The following GRID2 variants were observed in gnomAD, a reference collection of about 807,000 sequenced individuals.
The protein encoded by GRID2 is glutamate receptor ionotropic, delta-2.
Under a neutral mutation model 114.8 loss-of-function variants are expected in GRID2, and 33 were observed. That is an observed-to-expected ratio of 0.29 (90% confidence interval 0.22 to 0.38). The LOEUF (loss-of-function observed/expected upper bound fraction) is 0.38. GRID2 is among the 10% of genes least tolerant of loss of function. GRID2 has a pLI of 1.00. For synonymous variants in GRID2, 505 were observed against 449.9 expected, an observed-to-expected ratio of 1.12 and a Z score of -1.55; for missense variants, 1,184 against 1,257.7, an observed-to-expected ratio of 0.94 and a Z score of 0.89.
At chr4:93,548,213 C>T (rs1733416731) in intron 13 of GRID2, among the ~76,000 whole-genome samples, 1 of 151,988 alleles carries the variant, frequency 6.6e-6, no homozygotes, top group African/African-American at 2.4e-5. Flanking sequence ...AAGCTCTCTT[C>T]ATTTTAAATT....
chr4:93,126,832 C>T (rs1488298529), intron 4 of GRID2, among the ~76,000 whole-genome samples: 2 of 151,630 alleles, frequency 1.3e-5, no homozygotes, highest in African/African-American at 4.8e-5. Flanking sequence ...CTCCTGACCT[C>T]GTGATCCGCC....
chr4:93,178,877 A>G (rs17020224), intron 4 of GRID2, among the ~76,000 whole-genome samples: 9,598 of 152,132 alleles, frequency 0.063, 850 homozygotes, highest in African/African-American at 0.2. Flanking sequence ...TTAAGTGTCT[A>G]TGAGAGTTTG....
chr4:93,682,903 C>G (rs1417300586), intron 14 of GRID2, among the ~76,000 whole-genome samples: 1 of 148,390 alleles, frequency 6.7e-6, no homozygotes. Context: ...GCACATTGTG[C>G]ACATGTACCC....
chr4:93,213,551 T>C (rs1233448073), intron 5 of GRID2, among the ~76,000 whole-genome samples: 2 of 152,142 alleles, frequency 1.3e-5, no homozygotes, highest in Non-Finnish European at 2.9e-5. Context: ...TAAGCCAAAA[T>C]ATTTGTTAGA....
chr4:92,803,047 G>A (rs1173674019), intron 2 of GRID2, among the ~76,000 whole-genome samples: 5 of 151,888 alleles, frequency 3.3e-5, no homozygotes, highest in African/African-American at 1.2e-4. Context: ...GACAATATTT[G>A]TTGTCTAGGT....
At chr4:93,034,148 T>C (rs1239571935) in intron 2 of GRID2, among the ~76,000 whole-genome samples, 5 of 152,066 alleles carry the variant, frequency 3.3e-5, no homozygotes, top group Non-Finnish European at 5.9e-5. Context: ...GTGAACAACA[T>C]AGGGAAAGAA....
chr4:93,589,158 G>C (rs533527454), intron 13 of GRID2, among the ~76,000 whole-genome samples: 1 of 150,800 alleles, frequency 6.6e-6, no homozygotes, highest in Admixed American at 6.6e-5. Flanking sequence ...GCACTAACTC[G>C]TCATCTAGCA....
intron 13 of GRID2, among the ~76,000 whole-genome samples, chr4:93,579,532 C>CA (rs1023515104): frequency 8.6e-5 from 13 of 151,556 alleles, no homozygotes; most frequent in East Asian, 3.9e-4. Flanking sequence ...TACCCTCATG[C>CA]AAAAAAAATA....
intron 1 of GRID2, among the ~76,000 whole-genome samples, chr4:92,367,660 C>G (rs1408561813): frequency 6.6e-6 from 1 of 152,028 alleles, no homozygotes; most frequent in African/African-American, 2.4e-5. Context: ...GATACATAAG[C>G]TATGGTATTT....
intron 1 of GRID2, among the ~76,000 whole-genome samples, chr4:92,483,141 C>T (rs1199663318): frequency 6.6e-6 from 1 of 152,030 alleles, no homozygotes; most frequent in Non-Finnish European, 1.5e-5. Flanking sequence ...AGTTAGAAAC[C>T]AGCCTGGCCA....
chr4:93,113,334 T>C (rs1732946933), intron 4 of GRID2, among the ~76,000 whole-genome samples: 1 of 152,170 alleles, frequency 6.6e-6, no homozygotes, highest in Admixed American at 6.5e-5. Context: ...AGGGTTTAAG[T>C]TGTCAAGATG....
chr4:92,357,604 A>G (rs1728391425), intron 1 of GRID2, among the ~76,000 whole-genome samples: 1 of 151,842 alleles, frequency 6.6e-6, no homozygotes, highest in East Asian at 1.9e-4. Context: ...TTTTCACATT[A>G]TTAGTTAAAT....
intron 1 of GRID2, among the ~76,000 whole-genome samples, chr4:92,489,443 G>A (rs1028562299): frequency 6.6e-6 from 1 of 152,126 alleles, no homozygotes; most frequent in Non-Finnish European, 1.5e-5. Context: ...TTTGATTGGT[G>A]CAGAGGAATA....
chr4:93,004,309 G>GT, intron 2 of GRID2, among the ~76,000 whole-genome samples: 1 of 151,798 alleles, frequency 6.6e-6, no homozygotes, highest in African/African-American at 2.4e-5. Context: ...CGTGCCTATA[G>GT]TTTCTTAGAG....
intron 14 of GRID2, among the ~76,000 whole-genome samples, chr4:93,632,521 G>A (rs549036327): frequency 8.5e-5 from 13 of 152,208 alleles, no homozygotes; most frequent in Non-Finnish European, 1.3e-4. Context: ...AAGATCAGCT[G>A]GTTGTAGATG....
chr4:92,345,639 T>G (rs1310873663), intron 1 of GRID2, among the ~76,000 whole-genome samples: 1 of 152,210 alleles, frequency 6.6e-6, no homozygotes, highest in African/African-American at 2.4e-5. Context: ...TCATAAATGA[T>G]ATTATGGTAA....
intron 1 of GRID2, among the ~76,000 whole-genome samples, chr4:92,554,610 T>G (rs1181774234): frequency 6.6e-6 from 1 of 152,194 alleles, no homozygotes; most frequent in African/African-American, 2.4e-5. Context: ...TAATGTAATT[T>G]TTGGTAGAAA....
At chr4:92,421,172 T>G (rs1731890601) in intron 1 of GRID2, among the ~76,000 whole-genome samples, 1 of 152,110 alleles carries the variant, frequency 6.6e-6, no homozygotes, top group Non-Finnish European at 1.5e-5. Context: ...TTTATTTATA[T>G]TTATTAATCA....
intron 4 of GRID2, among the ~76,000 whole-genome samples, chr4:93,131,391 A>T (rs1245332092): frequency 1.3e-5 from 2 of 151,680 alleles, no homozygotes; most frequent in African/African-American, 4.8e-5. Flanking sequence ...TGACCTCATG[A>T]TCTGCCTACC....
Sources: gnomAD v4.1 joint callset for allele counts (sites outside exome capture counted in the v4.1 genomes callset) on GRCh38, gnomAD v4.1.1 for gene constraint, MANE v1.5 for transcripts, NCBI Gene and HGNC (gene_info 2026-07-23, HGNC 2026-07-21) for gene names.